The following NRG3 variants were observed in gnomAD, a reference collection of about 807,000 sequenced individuals.
NRG3 encodes neuregulin 3.
A neutral mutation model predicts 66.9 loss-of-function variants in NRG3; 31 were observed. The observed-to-expected ratio is 0.46, with a 90% confidence interval of 0.35 to 0.63. The LOEUF is 0.63. Ranked by LOEUF, NRG3 falls within the 20% of genes least tolerant of loss-of-function variation. The probability of loss-of-function intolerance (pLI) is 0.00; values close to 1 mark genes in which losing one functional copy is unlikely to be tolerated. For synonymous variants in NRG3, 393 were observed against 359.4 expected, an observed-to-expected ratio of 1.09 and a Z score of -1.06; for missense variants, 910 against 878.9, an observed-to-expected ratio of 1.04 and a Z score of -0.45.
At chr10:82,412,481 C>T (rs1194736767) in intron 2 of NRG3, among the ~76,000 whole-genome samples, 1 of 152,054 alleles carries the variant, frequency 6.6e-6, no homozygotes. Flanking sequence ...TCATGTGAGC[C>T]TTCAGTGAGT....
intron 1 of NRG3, among the ~76,000 whole-genome samples, chr10:82,215,149 T>TA (rs2075601172): frequency 6.6e-6 from 1 of 152,216 alleles, no homozygotes; most frequent in African/African-American, 2.4e-5. Context: ...TAACCTCTTA[T>TA]AATAAGATGT....
intron 1 of NRG3, among the ~76,000 whole-genome samples, chr10:82,051,082 G>T (rs530162801): frequency 5.6e-4 from 85 of 152,156 alleles, no homozygotes; most frequent in South Asian, 2.1e-3. Flanking sequence ...TCTTCAAATT[G>T]ATATTTATCT....
chr10:82,333,606 C>G (rs1178056129), intron 1 of NRG3, among the ~76,000 whole-genome samples: 1 of 152,088 alleles, frequency 6.6e-6, no homozygotes, highest in African/African-American at 2.4e-5. Flanking sequence ...GATTTGTATG[C>G]TTATATCATT....
chr10:81,925,581 T>C (rs1846687643), intron 1 of NRG3, among the ~76,000 whole-genome samples: 1 of 152,184 alleles, frequency 6.6e-6, no homozygotes, highest in Non-Finnish European at 1.5e-5. Context: ...TGGTCTTTTT[T>C]AGGGAAATAC....
At chr10:82,895,512 G>A (rs1430148117) in intron 4 of NRG3, among the ~76,000 whole-genome samples, 1 of 131,252 alleles carries the variant, frequency 7.6e-6, no homozygotes, top group Non-Finnish European at 1.5e-5. Flanking sequence ...TTGAGACAGA[G>A]TCTCGTCTCG....
chr10:82,050,462 G>A (rs1194679527), intron 1 of NRG3, among the ~76,000 whole-genome samples: 1 of 151,968 alleles, frequency 6.6e-6, no homozygotes, highest in Non-Finnish European at 1.5e-5. Flanking sequence ...TTGGTGGATG[G>A]ATGGGTAGTT....
chr10:81,992,479 G>GTTA (rs1315017174), intron 1 of NRG3, among the ~76,000 whole-genome samples: 6 of 152,250 alleles, frequency 3.9e-5, no homozygotes, highest in Non-Finnish European at 8.8e-5. Context: ...AAATAGATAC[G>GTTA]TTATAAATAG....
chr10:82,370,908 G>A (rs756143077), intron 2 of NRG3, among the ~76,000 whole-genome samples: 14 of 151,264 alleles, frequency 9.3e-5, no homozygotes, highest in Non-Finnish European at 1.8e-4. Context: ...TGAATATCAG[G>A]AAAATATTTC....
chr10:82,676,734 C>T (rs1045356741), intron 2 of NRG3, among the ~76,000 whole-genome samples: 4 of 152,110 alleles, frequency 2.6e-5, no homozygotes, highest in Non-Finnish European at 4.4e-5. Flanking sequence ...CTGCCCCCCT[C>T]GGCCTCCCAA....
intron 3 of NRG3, among the ~76,000 whole-genome samples, 189 bp downstream of exon 3, chr10:82,738,839 C>T (rs1279062122): frequency 2.0e-5 from 3 of 152,184 alleles, no homozygotes; most frequent in Admixed American, 6.5e-5. Context: ...TCTTCTCTGA[C>T]GATGAGGCCT....
At chr10:82,446,637 G>T (rs1452509145) in intron 2 of NRG3, among the ~76,000 whole-genome samples, 1 of 152,128 alleles carries the variant, frequency 6.6e-6, no homozygotes, top group Admixed American at 6.5e-5. Flanking sequence ...TCCTGTCACG[G>T]GGAGGGAGTA....
intron 1 of NRG3, among the ~76,000 whole-genome samples, chr10:82,009,902 C>T (rs535641499): frequency 7.9e-5 from 12 of 152,300 alleles, no homozygotes; most frequent in Non-Finnish European, 1.3e-4. Context: ...GTATTATGAC[C>T]TGGTCATGCC....
At chr10:82,929,418 A>G (rs559389062) in intron 4 of NRG3, among the ~76,000 whole-genome samples, 2 of 152,310 alleles carry the variant, frequency 1.3e-5, no homozygotes, top group Admixed American at 6.5e-5. Flanking sequence ...CCCCAGGTAT[A>G]AGATTTATCT....
chr10:82,949,018 A>T (rs1163584873), intron 4 of NRG3, among the ~76,000 whole-genome samples: 1 of 152,160 alleles, frequency 6.6e-6, no homozygotes, highest in East Asian at 1.9e-4. Flanking sequence ...TTTCACAGCT[A>T]GATATAGATT....
chr10:82,528,275 G>A lies in NRG3; in HGVS notation c.953+169407G>A, dbSNP rs532642876. Among the ~76,000 whole-genome samples, 7 of 152,188 alleles carry A rather than the reference G, an allele frequency of 4.6e-5. No homozygotes were observed. The East Asian group carries it at 5.8e-4, about 13-fold the overall frequency. On this transcript the variant is annotated intron_variant, in intron 2 of 8. Coordinates refer to ENST00000372141, the MANE Select transcript of NRG3 (RefSeq NM_001010848.4). ...GGTATAGCTAAATATATAGAGGTAC[G>A]CTATATTGAAGGGAAGTTACATCTG...
chr10:82,615,028 C>T (rs1000362440), intron 2 of NRG3, among the ~76,000 whole-genome samples: 1 of 152,058 alleles, frequency 6.6e-6, no homozygotes, highest in African/African-American at 2.4e-5. Context: ...TATTACTATT[C>T]TATACACCTG....
intron 2 of NRG3, among the ~76,000 whole-genome samples, chr10:82,434,596 C>G (rs149262072): frequency 6.6e-6 from 1 of 152,124 alleles, no homozygotes; most frequent in South Asian, 2.1e-4. Context: ...TCATAAATAG[C>G]TTTTATTATT....
At chr10:82,966,866 C>G (rs1406423333) in intron 6 of NRG3, among the ~76,000 whole-genome samples, 1 of 151,768 alleles carries the variant, frequency 6.6e-6, no homozygotes, top group East Asian at 1.9e-4. Flanking sequence ...ATTGATAGGT[C>G]TTTCAGCTGG....
chr10:82,363,170 C>T (rs991865193), intron 2 of NRG3, among the ~76,000 whole-genome samples: 1 of 151,842 alleles, frequency 6.6e-6, no homozygotes, highest in Admixed American at 6.6e-5. Context: ...AAAATAAAAG[C>T]TCAATAGGGA....
Sources: allele counts gnomAD v4.1 joint callset (sites outside exome capture counted in the v4.1 genomes callset), GRCh38; gene constraint gnomAD v4.1.1; transcripts MANE v1.5; gene names NCBI Gene and HGNC (gene_info 2026-07-23, HGNC 2026-07-21).